Variants in GRM7 observed in about 807,000 individuals in gnomAD.
GRM7 encodes the protein metabotropic glutamate receptor 7.
In GRM7, 35 loss-of-function variants were observed where a neutral mutation model predicts 84.5. The ratio of observed to expected loss-of-function variants is 0.41; its 90% CI spans 0.32 to 0.55. The LOEUF is 0.55. GRM7 is among the 20% of genes least tolerant of loss of function. The pLI, the probability that GRM7 is intolerant of heterozygous loss-of-function variation, is 0.19. For synonymous variants in GRM7, 487 were observed against 455.1 expected, an observed-to-expected ratio of 1.07 and a Z score of -0.89; for missense variants, 1,003 against 1,194.6, an observed-to-expected ratio of 0.84 and a Z score of 2.36.
intron 1 of GRM7, among the ~76,000 whole-genome samples, chr3:7,129,226 A>G (rs1398940905): frequency 1.3e-5 from 2 of 152,172 alleles, no homozygotes; most frequent in African/African-American, 4.8e-5. Flanking sequence ...CCTACTAGAG[A>G]ATTATTGCCT....
chr3:7,298,223 T>C (rs1307877706), intron 2 of GRM7, among the ~76,000 whole-genome samples: 1 of 152,078 alleles, frequency 6.6e-6, no homozygotes, highest in African/African-American at 2.4e-5. Flanking sequence ...TCTTTAAAAA[T>C]AGAGATGGGT....
intron 1 of GRM7, among the ~76,000 whole-genome samples, chr3:7,090,753 T>C (rs1436833528): frequency 1.3e-5 from 2 of 152,056 alleles, no homozygotes; most frequent in African/African-American, 4.8e-5. Flanking sequence ...ATAGATAAGA[T>C]AGAGAAGAGA....
At chr3:7,563,794 G>C (rs905109181) in intron 7 of GRM7, among the ~76,000 whole-genome samples, 2 of 152,040 alleles carry the variant, frequency 1.3e-5, no homozygotes, top group East Asian at 3.9e-4. Flanking sequence ...TTTAATCCAG[G>C]ATGCAGTAAA....
intron 1 of GRM7, chr3:6,956,446 T>C (rs1050389173): frequency 1.4e-5 from 6 of 417,486 alleles, no homozygotes; most frequent in African/African-American, 2.1e-5. Context: ...TCTAAGACTT[T>C]GGGCAAACGC....
intron 1 of GRM7, among the ~76,000 whole-genome samples, chr3:7,117,844 A>G (rs1300523583): frequency 1.3e-5 from 2 of 152,192 alleles, no homozygotes; most frequent in Non-Finnish European, 2.9e-5. Flanking sequence ...TTCCAGGCTC[A>G]TAGAAGTTCC....
In GRM7 at chr3:6,861,993, G is replaced by A. The variant is rs1050898398; in HGVS notation, c.519+86G>A. The A allele has an allele frequency of 1.9e-5, 22 of 1,164,010 alleles. No individual in the cohort carries two copies. The highest frequency in any genetic ancestry group is 5.5e-4 in the Middle Eastern group (2 of 3,654). The allele number at this position is 1,164,010 out of a possible 1,614,324, so 72.1% of individuals were successfully genotyped here. On this transcript the variant is annotated intron_variant, in intron 1 of 9. Transcript: ENST00000357716. The surrounding 1 kb of genome is among the most constrained non-coding windows in gnomAD (Gnocchi z 6.4). Reference sequence around the variant, plus strand: ...AAGCTGGCTTGGACTCCGGTGGTGCGGGTCAGGTCAGCCTTCGCTCATTTC... The same window carrying A: ...AAGCTGGCTTGGACTCCGGTGGTGCAGGTCAGGTCAGCCTTCGCTCATTTC...
chr3:7,681,592 A>G (rs1700370750), intron 9 of GRM7: 1 of 152,216 alleles, frequency 6.6e-6, no homozygotes, highest in Non-Finnish European at 1.5e-5. Context: ...ACAAGTCTAA[A>G]GGAACATACT....
intron 2 of GRM7, among the ~76,000 whole-genome samples, chr3:7,289,037 T>G (rs1227106605): frequency 6.6e-6 from 1 of 152,198 alleles, no homozygotes; most frequent in Non-Finnish European, 1.5e-5. Flanking sequence ...GAACCGTCAC[T>G]TGTAAATACC....
chr3:7,663,605 C>A (rs1432137276), intron 8 of GRM7, among the ~76,000 whole-genome samples: 5 of 152,128 alleles, frequency 3.3e-5, no homozygotes, highest in Admixed American at 2.6e-4. Flanking sequence ...TAATGATTGA[C>A]ATATAATCAT....
At chr3:7,068,165 T>C (rs569954662) in intron 1 of GRM7, among the ~76,000 whole-genome samples, 1 of 152,126 alleles carries the variant, frequency 6.6e-6, no homozygotes, top group East Asian at 1.9e-4. Flanking sequence ...TTTAAAATAC[T>C]TAGAAGTGAT....
chr3:6,891,209 A>G (rs1336040699), intron 1 of GRM7, among the ~76,000 whole-genome samples: 3 of 152,112 alleles, frequency 2.0e-5, no homozygotes, highest in Non-Finnish European at 2.9e-5. Flanking sequence ...GTGTCTTTTA[A>G]TTGGAGCATT....
At chr3:7,070,491 A>C (rs1697830977) in intron 1 of GRM7, among the ~76,000 whole-genome samples, 1 of 152,122 alleles carries the variant, frequency 6.6e-6, no homozygotes, top group Non-Finnish European at 1.5e-5. Flanking sequence ...TTGCTTCAGA[A>C]ACGGGTAATG....
rs78348951 is a variant in GRM7 at position 6,907,452 on chromosome 3, C to T, written c.519+45545C>T. Among the ~76,000 whole-genome samples, 1,140 of 152,130 alleles carry T rather than the reference C, an allele frequency of 7.5e-3. 17 individuals carry two copies. Among genetic ancestry groups the T allele is most frequent in the African/African-American group, 0.026 (1,060 of 41,514 alleles). On this transcript the variant is annotated intron_variant, in intron 1 of 9. Transcript: ENST00000357716. ...CTAGTTCAAAATTATTGGCAAGAAG[C>T]GGTGCTTTAACAGCAAGGTCTAAAA...
chr3:6,926,913 A>G (rs183529680), intron 1 of GRM7, among the ~76,000 whole-genome samples: 54 of 152,344 alleles, frequency 3.5e-4, no homozygotes, highest in Non-Finnish European at 6.6e-4. Context: ...TTATAATGAA[A>G]TTCTACACTG....
intron 1 of GRM7, among the ~76,000 whole-genome samples, chr3:6,975,338 C>G (rs910416358): frequency 6.6e-6 from 1 of 152,128 alleles, no homozygotes; most frequent in African/African-American, 2.4e-5. Flanking sequence ...ATTATAGTTC[C>G]TTTCCAAATG....
intron 2 of GRM7, among the ~76,000 whole-genome samples, chr3:7,282,920 AT>A (rs1699304913): frequency 6.6e-6 from 1 of 152,214 alleles, no homozygotes; most frequent in Non-Finnish European, 1.5e-5. Context: ...CTATCCAAGG[AT>A]TAACCAACAG....
chr3:7,612,317 A>C (rs1696884673), intron 8 of GRM7, among the ~76,000 whole-genome samples: 1 of 152,176 alleles, frequency 6.6e-6, no homozygotes, highest in African/African-American at 2.4e-5. Flanking sequence ...TTATGTTCAG[A>C]ATTAAATTGA....
At chr3:7,512,091 G>A (rs548366308) in intron 7 of GRM7, among the ~76,000 whole-genome samples, 184 of 152,238 alleles carry the variant, frequency 1.2e-3, no homozygotes, top group African/African-American at 3.8e-3. Context: ...GGAGACTACA[G>A]TGAGATATGA....
intron 4 of GRM7, among the ~76,000 whole-genome samples, chr3:7,379,425 C>T (rs1454681365): frequency 6.6e-6 from 1 of 152,110 alleles, no homozygotes; most frequent in African/African-American, 2.4e-5. Flanking sequence ...ACATCATAAC[C>T]ACCTCTAAAG....
Sources: allele counts gnomAD v4.1 joint callset (sites outside exome capture counted in the v4.1 genomes callset), GRCh38; gene constraint gnomAD v4.1.1; non-coding constraint Gnocchi (gnomAD v3.1); transcripts MANE v1.5; gene names NCBI Gene and HGNC (gene_info 2026-07-23, HGNC 2026-07-21).